The following CTCF variants were observed in gnomAD, a reference collection of about 807,000 sequenced individuals.
CTCF encodes the protein CCCTC-binding factor, also known as transcriptional repressor CTCF.
A neutral mutation model predicts 72.3 loss-of-function variants in CTCF; 7 were observed. The observed-to-expected ratio is 0.10, with a 90% CI of 0.06 to 0.18. CTCF has a LOEUF of 0.18. CTCF is among the 10% of genes least tolerant of loss of function. The pLI, the probability that CTCF is intolerant of heterozygous loss-of-function variation, is 1.00. For missense variants in CTCF, 516 were observed against 949.1 expected, an observed-to-expected ratio of 0.54 and a Z score of 6.00; for synonymous variants, 374 against 315.8, an observed-to-expected ratio of 1.18 and a Z score of -1.95.
At chr16:67,611,900 T>G in intron 3 of CTCF, 51 bp from the exon 4 acceptor site, 1 of 1,506,918 alleles carries the variant, frequency 6.6e-7, no homozygotes. Flanking sequence ...TTAGGATTAA[T>G]CTTAACACTT....
At chr16:67,617,044 G>A (rs1672921739) in intron 5 of CTCF, among the ~76,000 whole-genome samples, 166 bp downstream of exon 5, 1 of 152,174 alleles carries the variant, frequency 6.6e-6, no homozygotes, top group Non-Finnish European at 1.5e-5. Flanking sequence ...TATGATGATT[G>A]TGAAAGATTT....
intron 10 of CTCF, among the ~76,000 whole-genome samples, chr16:67,636,302 G>T (rs1283826174): frequency 6.6e-6 from 1 of 151,804 alleles, no homozygotes; most frequent in Non-Finnish European, 1.5e-5. Context: ...AACCCAGGTT[G>T]CAGAGGTTGC....
intron 10 of CTCF, among the ~76,000 whole-genome samples, chr16:67,634,808 ATTC>A (rs1461541336): frequency 1.3e-5 from 2 of 150,630 alleles, no homozygotes; most frequent in African/African-American, 2.4e-5. Flanking sequence ...GGTTCAAGCA[ATTC>A]TTCTGCCTCA....
chr16:67,609,127 G>A (rs980616210), intron 2 of CTCF, among the ~76,000 whole-genome samples: 2 of 152,170 alleles, frequency 1.3e-5, no homozygotes, highest in African/African-American at 4.8e-5. Flanking sequence ...AGCACTTTGG[G>A]AGGCTTAGGT....
chr16:67,601,666 A>G (rs1242343725), intron 2 of CTCF, among the ~76,000 whole-genome samples: 1 of 151,840 alleles, frequency 6.6e-6, no homozygotes, highest in African/African-American at 2.4e-5. Context: ...AATAGAAGCT[A>G]TTGCTTTAAG....
chr16:67,613,347 A>G (rs1272413337), intron 4 of CTCF, among the ~76,000 whole-genome samples: 4 of 152,246 alleles, frequency 2.6e-5, no homozygotes, highest in Admixed American at 1.3e-4. Context: ...GATGACCATG[A>G]TCAAGTGGGT....
intron 5 of CTCF, among the ~76,000 whole-genome samples, chr16:67,619,135 G>A (rs1223372217): frequency 2.6e-5 from 4 of 152,152 alleles, no homozygotes; most frequent in African/African-American, 4.8e-5. Flanking sequence ...AAAACTTGGT[G>A]TGTAACACTT....
chr16:67,578,585 G>A (rs1319047299), intron 2 of CTCF, among the ~76,000 whole-genome samples: 1 of 150,346 alleles, frequency 6.7e-6, no homozygotes, highest in East Asian at 2.0e-4. Context: ...CACCCACCTC[G>A]GCCTCCCAAA....
chr16:67,615,310 T>C (rs936433585), intron 4 of CTCF: 7 of 152,216 alleles, frequency 4.6e-5, no homozygotes, highest in Admixed American at 2.6e-4. Flanking sequence ...ATTTATTTTT[T>C]AGCTTACTTT....
rs193083885 is a variant in CTCF at position 67,621,378 on chromosome 16, C to T, written c.1208-64C>T. On this transcript the variant is annotated intron_variant, in intron 6 of 11. Transcript: ENST00000264010. The stretch of plus-strand genomic sequence containing the variant: ...GTAGCATATCTGCCACCTGAGTTAC[C>T]CTCCAGTTAAATTACAGTATTTATT... 62 of 1,243,868 alleles carry T rather than the reference C, an allele frequency of 5.0e-5. No homozygotes were observed. The African/African-American group carries it at 6.6e-4, about 13-fold the overall frequency. 77.1% of individuals were successfully genotyped at this position (1,243,868 alleles called of 1,614,324 possible).
In CTCF at chr16:67,604,742, T is replaced by G. The variant is rs545694623; in HGVS notation, c.-9-6082T>G. 9.6e-4 allele frequency among the ~76,000 whole-genome samples: 120 copies of G among 125,190 alleles called. 1 individual carries two copies. Among genetic ancestry groups the G allele is most frequent in the Admixed American group, 2.0e-3 (28 of 13,854 alleles). 82.1% of individuals were successfully genotyped at this position (125,190 alleles called of 152,430 possible). On this transcript the variant is annotated intron_variant, in intron 2 of 11. Transcript: ENST00000264010. ...TAATTTCACCAGGGTTTTTTTTTTTTTTGTTTTTTGTTTTTTTTTTTTACT... is the reference window on the plus strand; with the variant it reads ...TAATTTCACCAGGGTTTTTTTTTTTGTTGTTTTTTGTTTTTTTTTTTTACT...
rs372457358 is a variant in CTCF at position 67,611,163 on chromosome 16, G to C, written c.331G>C (p.Gly111Arg). 2 of 1,614,194 alleles carry C rather than the reference G, an allele frequency of 1.2e-6. No individual in the cohort carries two copies. The highest frequency in any genetic ancestry group is 1.7e-6 in the Non-Finnish European group (2 of 1,180,020). The change falls in exon 3 of 12, where the codon GGA (glycine) becomes CGA (arginine). Residue 111 changes from glycine to arginine, a missense_variant. Around this residue, in one of 7 missense-constraint regions of CTCF, gnomAD observed 148 missense variants for 194.9 expected, o/e 0.76. Transcript: ENST00000264010. ...VNMEEQPINI[G>R]ELQLVQVPVP... is the part of the protein sequence containing the mutation. ...TATGGAGGAACAGCCCATAAACATA[G>C]GAGAACTTCAGCTTGTTCAAGTACC... is the stretch of plus-strand genomic sequence containing the variant.
intron 2 of CTCF, among the ~76,000 whole-genome samples, chr16:67,593,440 A>G (rs2051772393): frequency 6.6e-6 from 1 of 151,988 alleles, no homozygotes; most frequent in South Asian, 2.1e-4. Flanking sequence ...AGAACATGAG[A>G]TACTTGGTTT....
chr16:67,602,290 A>G (rs960789028), intron 2 of CTCF, among the ~76,000 whole-genome samples: 5 of 152,120 alleles, frequency 3.3e-5, no homozygotes, highest in African/African-American at 7.2e-5. Context: ...GACCCCAAAG[A>G]TTGTTTTTCC....
intron 7 of CTCF, among the ~76,000 whole-genome samples, chr16:67,625,762 C>G (rs2052275547): frequency 6.6e-6 from 1 of 152,026 alleles, no homozygotes; most frequent in Admixed American, 6.6e-5. Flanking sequence ...ATTTCAAATT[C>G]AGCATGTCTA....
At chr16:67,565,992 C>T (rs1357778731) in intron 1 of CTCF, among the ~76,000 whole-genome samples, 5 of 152,212 alleles carry the variant, frequency 3.3e-5, no homozygotes, top group Non-Finnish European at 7.3e-5. Flanking sequence ...AGGGATGCTG[C>T]TGCTGTCACA....
intron 10 of CTCF, among the ~76,000 whole-genome samples, chr16:67,633,624 G>T (rs1373448775): frequency 6.6e-6 from 1 of 152,020 alleles, no homozygotes; most frequent in East Asian, 1.9e-4. Flanking sequence ...AGAATTTCTG[G>T]CCAGGCGTGA....
At chr16:67,566,047 A>G (rs935542859) in intron 1 of CTCF, among the ~76,000 whole-genome samples, 1 of 152,198 alleles carries the variant, frequency 6.6e-6, no homozygotes, top group African/African-American at 2.4e-5. Context: ...TAATTTTTTT[A>G]AACTAGACCA....
In CTCF at chr16:67,626,538, T is replaced by C. The variant is rs2052289843; in HGVS notation, c.1358-17T>C. 6.9e-7 allele frequency: 1 copy of C among 1,439,256 alleles called. No individual in the cohort carries two copies. The highest frequency in any genetic ancestry group is 9.2e-7 in the Non-Finnish European group (1 of 1,086,328). 89.2% of individuals were successfully genotyped at this position (1,439,256 alleles called of 1,614,324 possible). The stretch of plus-strand genomic sequence containing the variant: ...TTGTGTTTTCACATTACCCTGGGCT[T>C]TTTACTGTGCTTTCAGGTGTCCACT... On this transcript the variant is annotated splice_polypyrimidine_tract_variant and intron_variant, in intron 7 of 11. Transcript: ENST00000264010.
Sources: allele counts gnomAD v4.1 joint callset (sites outside exome capture counted in the v4.1 genomes callset), GRCh38; gene constraint gnomAD v4.1.1; regional missense constraint gnomAD v4.1.1; transcripts MANE v1.5; gene names NCBI Gene and HGNC (gene_info 2026-07-23, HGNC 2026-07-21).